The following FOXP2 variants were observed in gnomAD, a reference collection of about 807,000 sequenced individuals.
The protein encoded by FOXP2 is forkhead box P2.
FOXP2 carries 12 observed loss-of-function variants against 115.8 expected under a neutral mutation model. The observed-to-expected ratio is 0.10, with a 90% CI of 0.07 to 0.17. FOXP2 has a LOEUF of 0.17. FOXP2 is among the 10% of genes least tolerant of loss of function. The probability of loss-of-function intolerance (pLI) is 1.00; values close to 1 mark genes in which losing one functional copy is unlikely to be tolerated. For synonymous variants in FOXP2, 328 were observed against 297.7 expected (o/e 1.10, Z -1.05); for missense variants, 629 against 843.5 (o/e 0.75, Z 3.15).
chr7:114,194,207 A>G (rs1468194599), intron 1 of FOXP2, among the ~76,000 whole-genome samples: 3 of 152,028 alleles, frequency 2.0e-5, no homozygotes, highest in Non-Finnish European at 4.4e-5. Context: ...TTCTCTCTTC[A>G]TTACATCAAG....
chr7:114,339,322 TGTA>T (rs1039528355), intron 2 of FOXP2, among the ~76,000 whole-genome samples: 28 of 151,234 alleles, frequency 1.9e-4, no homozygotes, highest in Admixed American at 2.6e-4. Context: ...TAGACTTTGA[TGTA>T]GTAAGAATGA....
At chr7:114,260,320 T>C (rs200521662) in intron 1 of FOXP2, among the ~76,000 whole-genome samples, 9 of 152,084 alleles carry the variant, frequency 5.9e-5, no homozygotes, top group East Asian at 3.9e-4. Flanking sequence ...TGTGAATTAA[T>C]TGACTGATGG....
intron 2 of FOXP2, among the ~76,000 whole-genome samples, chr7:114,453,079 AT>A (rs1421148943): frequency 1.3e-5 from 2 of 152,078 alleles, no homozygotes; most frequent in East Asian, 3.9e-4. Flanking sequence ...CTGAGTCCAT[AT>A]TTGTTTGGGA....
rs967629151 is a variant in FOXP2 at position 114,373,124 on chromosome 7, C to G, written c.-10-53378C>G. The stretch of plus-strand genomic sequence containing the variant: ...TCTCCTGCCTCAGCCTCCTGAGTAG[C>G]TGGGACTACAGGCGCCAGCCACCAC... On this transcript the variant is annotated intron_variant, in intron 2 of 17. Transcript: ENST00000634411. 5.9e-5 allele frequency among the ~76,000 whole-genome samples: 9 copies of G among 152,156 alleles called. No homozygotes were observed. In the East Asian group the frequency reaches 1.7e-3, roughly 29 times the overall value.
chr7:114,182,132 A>T (rs1793473158), intron 1 of FOXP2, among the ~76,000 whole-genome samples: 1 of 152,052 alleles, frequency 6.6e-6, no homozygotes, highest in Admixed American at 6.6e-5. Context: ...CTCTTGTAAT[A>T]TCTAGTTCTA....
At chr7:114,195,599 A>G (rs1298204284) in intron 1 of FOXP2, among the ~76,000 whole-genome samples, 2 of 152,214 alleles carry the variant, frequency 1.3e-5, no homozygotes, top group African/African-American at 4.8e-5. Context: ...TCTTAAAGCT[A>G]ACTGTAACAG....
At chr7:114,307,874 T>G (rs969654345) in intron 2 of FOXP2, among the ~76,000 whole-genome samples, 39 of 152,304 alleles carry the variant, frequency 2.6e-4, no homozygotes, top group Non-Finnish European at 1.5e-4. Flanking sequence ...TCTGTTTTTG[T>G]AGCCTGTGGA....
chr7:114,583,653 T>C (rs1215224505), intron 3 of FOXP2, among the ~76,000 whole-genome samples: 1 of 152,176 alleles, frequency 6.6e-6, no homozygotes, highest in South Asian at 2.1e-4. Context: ...TTCAGGAAAA[T>C]AGTTGTCTGT....
intron 16 of FOXP2, among the ~76,000 whole-genome samples, chr7:114,679,406 C>G (rs1807959747): frequency 6.6e-6 from 1 of 152,170 alleles, no homozygotes; most frequent in African/African-American, 2.4e-5. Context: ...TAGTAAGTTC[C>G]CATTTGGCAA....
At chr7:114,125,274 A>G (rs1237386772) in intron 1 of FOXP2, among the ~76,000 whole-genome samples, 1 of 152,178 alleles carries the variant, frequency 6.6e-6, no homozygotes, top group Non-Finnish European at 1.5e-5. Flanking sequence ...GCATCCTATT[A>G]TATAGTCAAT....
chr7:114,491,806 G>A (rs577538549), intron 2 of FOXP2, among the ~76,000 whole-genome samples: 3 of 152,106 alleles, frequency 2.0e-5, no homozygotes, highest in East Asian at 3.9e-4. Context: ...TGCTGGATTC[G>A]GTTTGCCAGT....
At chr7:114,445,183 T>C (rs1488752087) in intron 2 of FOXP2, among the ~76,000 whole-genome samples, 1 of 152,170 alleles carries the variant, frequency 6.6e-6, no homozygotes, top group African/African-American at 2.4e-5. Flanking sequence ...TCAGATACTA[T>C]TTATCTGACA....
intron 2 of FOXP2, among the ~76,000 whole-genome samples, chr7:114,387,296 G>A (rs150375354): frequency 6.6e-6 from 1 of 152,260 alleles, no homozygotes; most frequent in Non-Finnish European, 1.5e-5. Flanking sequence ...TCTCATTGGA[G>A]TATTAAATAT....
Position 114,131,565 on chromosome 7 carries a change from AG to A in FOXP2, c.-246-31378del, listed in dbSNP as rs1791879336. ...GCTGCAAGGAATGTGCAAAAAAAAA[AG>A]AAAAACATATGAAAAGAGAAATGTG... On this transcript the variant is annotated intron_variant, in intron 1 of 19. Transcript: ENST00000635638. Among the ~76,000 whole-genome samples the A allele has an allele frequency of 5.9e-5, 9 of 152,320 alleles. No individual in the cohort carries two copies. The South Asian group carries it at 1.9e-3, about 32-fold the overall frequency.
At chr7:114,667,657 A>G (rs1326555619) in intron 16 of FOXP2, 4 of 152,142 alleles carry the variant, frequency 2.6e-5, no homozygotes, top group African/African-American at 9.7e-5. Flanking sequence ...AGAATTTAGA[A>G]TATAGGAAGT....
intron 1 of FOXP2, among the ~76,000 whole-genome samples, chr7:114,259,765 T>C (rs1441375220): frequency 6.6e-6 from 1 of 152,202 alleles, no homozygotes; most frequent in East Asian, 1.9e-4. Flanking sequence ...GATAATAATC[T>C]TGAGGCAATA....
At chr7:114,441,218 C>T (rs1024614067) in intron 2 of FOXP2, among the ~76,000 whole-genome samples, 3 of 151,974 alleles carry the variant, frequency 2.0e-5, no homozygotes, top group Non-Finnish European at 2.9e-5. Context: ...GAGGCTGAGG[C>T]GGGTGGATCA....
At chr7:114,547,871 A>G (rs765524588) in intron 3 of FOXP2, among the ~76,000 whole-genome samples, 5 of 152,216 alleles carry the variant, frequency 3.3e-5, no homozygotes, top group Non-Finnish European at 5.9e-5. Context: ...TGATTTAATT[A>G]TATCTATTGC....
intron 2 of FOXP2, among the ~76,000 whole-genome samples, chr7:114,294,581 C>T (rs928517053): frequency 3.3e-5 from 5 of 152,104 alleles, no homozygotes; most frequent in African/African-American, 1.2e-4. Flanking sequence ...TGGCTTACAC[C>T]TGTAATCCCA....
Sources: gnomAD v4.1 joint callset for allele counts (sites outside exome capture counted in the v4.1 genomes callset) on GRCh38, gnomAD v4.1.1 for gene constraint, MANE v1.5 for transcripts, NCBI Gene and HGNC (gene_info 2026-07-23, HGNC 2026-07-21) for gene names.